Variants in GAB1 observed in about 807,000 individuals in gnomAD.
GAB1 encodes GRB2-associated-binding protein 1.
A neutral mutation model predicts 66.5 loss-of-function variants in GAB1; 19 were observed. The observed-to-expected ratio is 0.29, with a 90% CI of 0.20 to 0.42. GAB1 has a LOEUF of 0.42. Among genes scored for constraint, GAB1 ranks in the 10% least tolerant of loss-of-function variants. GAB1 has a pLI of 1.00. For synonymous variants in GAB1, 294 were observed against 301.4 expected (o/e 0.98, Z 0.25); for missense variants, 732 against 858.5 (o/e 0.85, Z 1.84).
chr4:143,441,901 C>CT (rs1362002015), intron 6 of GAB1, among the ~76,000 whole-genome samples: 5 of 152,156 alleles, frequency 3.3e-5, no homozygotes, highest in African/African-American at 1.2e-4. Flanking sequence ...CTTTAGATTG[C>CT]TTAGAGATGA....
At chr4:143,430,652 A>G (rs770239132) in intron 2 of GAB1, among the ~76,000 whole-genome samples, 3 of 152,252 alleles carry the variant, frequency 2.0e-5, no homozygotes, top group Non-Finnish European at 2.9e-5. Flanking sequence ...TTTTGCCAAA[A>G]TGATGACTCA....
At chr4:143,375,688 G>A (rs987211492) in intron 1 of GAB1, among the ~76,000 whole-genome samples, 21 of 152,218 alleles carry the variant, frequency 1.4e-4, no homozygotes, top group Admixed American at 1.4e-3. Flanking sequence ...GCAGTTTTCC[G>A]AATATGACAA....
chr4:143,470,224 T>A lies in GAB1; in HGVS notation c.*1035T>A, dbSNP rs1362007484. 1 of 152,232 alleles carries A rather than the reference T, an allele frequency of 6.6e-6. No individual in the cohort carries two copies. The highest frequency in any genetic ancestry group is 1.5e-5 in the Non-Finnish European group (1 of 68,048). The allele number at this position is 152,232 out of a possible 1,614,324, so 9.4% of individuals were successfully genotyped here. A position where few individuals can be genotyped will look rare whatever the true frequency, so the allele number is the denominator to read the frequency against. On this transcript the variant is annotated 3_prime_UTR_variant, in exon 10 of 10. Transcript: ENST00000262994. ...TCTTTTGACACCATAGTGCCCTTTCTATGATTTTTTTTACTTAATATTCTT... is the reference window on the plus strand; with the variant it reads ...TCTTTTGACACCATAGTGCCCTTTCAATGATTTTTTTTACTTAATATTCTT...
At chr4:143,465,018 T>C (rs1242849744) in intron 8 of GAB1, among the ~76,000 whole-genome samples, 2 of 152,240 alleles carry the variant, frequency 1.3e-5, no homozygotes, top group East Asian at 1.9e-4. Flanking sequence ...TGAGATAATA[T>C]ATGAACATTA....
At chr4:143,368,374 G>T (rs1266260342) in intron 1 of GAB1, among the ~76,000 whole-genome samples, 1 of 152,128 alleles carries the variant, frequency 6.6e-6, no homozygotes, top group East Asian at 1.9e-4. Context: ...ACACTGTGCT[G>T]TATTTGGAGT....
intron 1 of GAB1, among the ~76,000 whole-genome samples, chr4:143,357,578 G>A (rs1193755293): frequency 6.6e-6 from 1 of 152,092 alleles, no homozygotes; most frequent in African/African-American, 2.4e-5. Context: ...TTTACCTGTT[G>A]TGAAGGGTGG....
In GAB1 at chr4:143,473,123, T is replaced by G. The variant is rs1201748405; in HGVS notation, c.*3934T>G. On this transcript the variant is annotated 3_prime_UTR_variant, in exon 10 of 10. Transcript: ENST00000262994. ...GATTGGTCAAGGTATTAACATAGCT[T>G]CTACTTCCTTTACTTAAAAAGATGT... 1 of 152,168 alleles carries G rather than the reference T, an allele frequency of 6.6e-6. No homozygotes were observed. Among genetic ancestry groups the G allele is most frequent in the Non-Finnish European group, 1.5e-5 (1 of 68,014 alleles). 9.4% of individuals were successfully genotyped at this position (152,168 alleles called of 1,614,324 possible). A position where few individuals can be genotyped will look rare whatever the true frequency, so the allele number is the denominator to read the frequency against.
At chr4:143,390,103 G>A (rs888577694) in intron 1 of GAB1, among the ~76,000 whole-genome samples, 2 of 152,150 alleles carry the variant, frequency 1.3e-5, no homozygotes, top group East Asian at 3.8e-4. Flanking sequence ...GTATTTCATA[G>A]TGCTGGTTCG....
chr4:143,346,852 T>C (rs1729007580), intron 1 of GAB1, among the ~76,000 whole-genome samples: 1 of 152,244 alleles, frequency 6.6e-6, no homozygotes, highest in African/African-American at 2.4e-5. Flanking sequence ...CAAAGCCTTC[T>C]GAGTAATCTT....
intron 1 of GAB1, among the ~76,000 whole-genome samples, chr4:143,359,496 T>A: frequency 6.6e-6 from 1 of 152,316 alleles, no homozygotes; most frequent in Middle Eastern, 3.4e-3. Context: ...GTGATGACCA[T>A]TTCTAGTGGC....
chr4:143,365,806 A>T (rs1729859896), intron 1 of GAB1, among the ~76,000 whole-genome samples: 1 of 152,220 alleles, frequency 6.6e-6, no homozygotes, highest in Admixed American at 6.5e-5. Flanking sequence ...AAATGAATCT[A>T]CTTACATGCA....
At position 143,415,692 on chromosome 4, in the gene GAB1, G is replaced by C; in HGVS notation, c.288G>C (p.Leu96Phe). 6.2e-7 allele frequency: 1 copy of C among 1,613,952 alleles called. No homozygotes were observed. Among genetic ancestry groups the C allele is most frequent in the East Asian group, 2.2e-5 (1 of 44,864 alleles). ...ACACTATTGACCGGATTTTCTACTT[G>C]GTAGCAGACAGCGAGGAGGAGATGA... ...DINTIDRIFY[L>F]VADSEEEMNK... Residue 96 changes from leucine (L) to phenylalanine (F), a missense_variant, in exon 2 of 10, where the codon TTG (leucine) becomes TTC (phenylalanine). Transcript: ENST00000262994.
Position 143,344,878 on chromosome 4 carries a change from A to T in GAB1, c.72+7618A>T, listed in dbSNP as rs185280292. Among the ~76,000 whole-genome samples, 323 of 152,320 alleles carry T rather than the reference A, an allele frequency of 2.1e-3. 10 individuals are homozygous for T. The highest frequency in any genetic ancestry group is 0.02 in the Admixed American group (303 of 15,300). Reference sequence around the variant, plus strand: ...GCATTACTGAATAAAGTACACTATAACCTAAGAGCTTTTGACCTTCTCCCA... The same window carrying T: ...GCATTACTGAATAAAGTACACTATATCCTAAGAGCTTTTGACCTTCTCCCA... On this transcript the variant is annotated intron_variant, in intron 1 of 9. Coordinates refer to ENST00000262994, the MANE Select transcript of GAB1 (RefSeq NM_002039.4).
At chr4:143,439,319 T>C (rs1734101314) in intron 4 of GAB1, among the ~76,000 whole-genome samples, 1 of 152,208 alleles carries the variant, frequency 6.6e-6, no homozygotes, top group African/African-American at 2.4e-5. Flanking sequence ...TGTGCTAAAA[T>C]TTCTGTATTT....
At chr4:143,444,244 G>C (rs1397874291) in intron 6 of GAB1, among the ~76,000 whole-genome samples, 1 of 152,088 alleles carries the variant, frequency 6.6e-6, no homozygotes, top group Non-Finnish European at 1.5e-5. Context: ...TCTCTGTCTA[G>C]TCTCTGTCTA....
Sources: gnomAD v4.1 joint callset for allele counts (sites outside exome capture counted in the v4.1 genomes callset) on GRCh38, gnomAD v4.1.1 for gene constraint, MANE v1.5 for transcripts, NCBI Gene and HGNC (gene_info 2026-07-23, HGNC 2026-07-21) for gene names.